ERMP1: variants seen among roughly 807,000 people sequenced by gnomAD.
The protein encoded by ERMP1 is Felix-ina.
ERMP1 carries 86 observed loss-of-function variants against 92.0 expected under a neutral mutation model. The observed-to-expected ratio is 0.93, with a 90% CI of 0.79 to 1.12. The LOEUF (loss-of-function observed/expected upper bound fraction) is 1.12. Among genes scored for constraint, ERMP1 ranks in the 50% most tolerant of loss-of-function variants. ERMP1 has a pLI of 0.00. For missense variants in ERMP1, 1,342 were observed against 1,116.3 expected (o/e 1.20, Z -2.88); for synonymous variants, 530 against 412.8 (o/e 1.28, Z -3.44).
intron 5 of ERMP1, among the ~76,000 whole-genome samples, chr9:5,864,567 A>C (rs1830596444): frequency 5.3e-5 from 8 of 152,324 alleles, no homozygotes. Flanking sequence ...GCCTCAAGTG[A>C]AGGGAACAAA....
At chr9:5,796,555 G>A (rs761342978) in intron 13 of ERMP1, among the ~76,000 whole-genome samples, 1 of 152,042 alleles carries the variant, frequency 6.6e-6, no homozygotes, top group African/African-American at 2.4e-5. Flanking sequence ...AAAAAGAAAT[G>A]GCCTATCAAG....
intron 6 of ERMP1, among the ~76,000 whole-genome samples, chr9:5,845,543 C>T (rs1443103286): frequency 2.0e-5 from 3 of 152,162 alleles, no homozygotes; most frequent in East Asian, 1.9e-4. Flanking sequence ...ATTGATCGAT[C>T]GATAGATTAT....
At chr9:5,791,867 T>G (rs1828211646) in intron 13 of ERMP1, among the ~76,000 whole-genome samples, 1 of 152,104 alleles carries the variant, frequency 6.6e-6, no homozygotes, top group African/African-American at 2.4e-5. Context: ...TCCCTTTAAT[T>G]CTAAAGGAAA....
intron 6 of ERMP1, among the ~76,000 whole-genome samples, chr9:5,842,239 T>C (rs1173204402): frequency 1.3e-5 from 2 of 152,102 alleles, no homozygotes; most frequent in African/African-American, 4.8e-5. Flanking sequence ...TACAGAGTGC[T>C]GATTGGTCCG....
chr9:5,827,179 G>C (rs2129665149), intron 2 of ERMP1, among the ~76,000 whole-genome samples: 1 of 152,124 alleles, frequency 6.6e-6, no homozygotes, highest in East Asian at 1.9e-4. Context: ...ACACAGATGA[G>C]AACTTAAAAA....
chr9:5,793,731 T>C (rs1828299063), intron 13 of ERMP1, among the ~76,000 whole-genome samples: 1 of 152,094 alleles, frequency 6.6e-6, no homozygotes, highest in Non-Finnish European at 1.5e-5. Context: ...AAAGGGTCAG[T>C]TCTCTAAGAA....
intron 5 of ERMP1, among the ~76,000 whole-genome samples, chr9:5,865,762 T>C (rs1285567971): frequency 2.2e-5 from 3 of 136,832 alleles, no homozygotes; most frequent in Non-Finnish European, 4.6e-5. Flanking sequence ...CGCTGGAAAC[T>C]GGGAGGAGGA....
rs1304882771 is a variant in ERMP1 at position 5,784,913 on chromosome 9, T to TA, written c.*2230dup. 6.6e-6 allele frequency: 1 copy of TA among 152,358 alleles called. No individual in the cohort carries two copies. Among genetic ancestry groups the TA allele is most frequent in the African/African-American group, 2.4e-5 (1 of 41,470 alleles). 9.4% of individuals were successfully genotyped at this position (152,358 alleles called of 1,614,324 possible). Reference sequence around the variant, plus strand: ...ATAATGCATTTGTTAGTGACTTTGTTAGAGCTTGAAAAGACCCTTTTAGAA... The same window carrying TA: ...ATAATGCATTTGTTAGTGACTTTGTTAAGAGCTTGAAAAGACCCTTTTAGAA... On this transcript the variant is annotated 3_prime_UTR_variant, in exon 15 of 15. Coordinates refer to ENST00000339450, the MANE Select transcript of ERMP1 (RefSeq NM_024896.3).
chr9:5,831,754 G>A (rs77907906), intron 1 of ERMP1, among the ~76,000 whole-genome samples: 5 of 152,138 alleles, frequency 3.3e-5, no homozygotes, highest in Admixed American at 2.6e-4. Flanking sequence ...TAAATAAGGC[G>A]GGCGGGGGAA....
intron 5 of ERMP1, among the ~76,000 whole-genome samples, chr9:5,864,605 G>A (rs533387599): frequency 1.3e-5 from 2 of 152,192 alleles, no homozygotes; most frequent in African/African-American, 4.8e-5. Flanking sequence ...CTTTCCTCAG[G>A]GGGTGGTAGA....
intron 4 of ERMP1, among the ~76,000 whole-genome samples, chr9:5,823,450 C>T (rs1413325293): frequency 6.6e-6 from 1 of 152,156 alleles, no homozygotes; most frequent in Non-Finnish European, 1.5e-5. Context: ...TAACCACCCA[C>T]AGTGGCTAAA....
chr9:5,806,298 C>A (rs1314048420), intron 8 of ERMP1, among the ~76,000 whole-genome samples: 4 of 152,192 alleles, frequency 2.6e-5, no homozygotes, highest in Non-Finnish European at 5.9e-5. Context: ...TCTTGTACTG[C>A]ACCTTTGCCC....
At chr9:5,819,508 C>A (rs932619092) in intron 4 of ERMP1, among the ~76,000 whole-genome samples, 41 of 152,232 alleles carry the variant, frequency 2.7e-4, no homozygotes, top group Non-Finnish European at 1.5e-5. Context: ...CAATCTCAGA[C>A]TGGTGCCACC....
chr9:5,832,110 T>C (rs1381466272), intron 1 of ERMP1, among the ~76,000 whole-genome samples: 1 of 151,804 alleles, frequency 6.6e-6, no homozygotes, highest in African/African-American at 2.4e-5. Context: ...AAGTCAAACC[T>C]TACACAGTCA....
At chr9:5,809,227 A>G (rs1048079158) in intron 8 of ERMP1, among the ~76,000 whole-genome samples, 32 of 151,678 alleles carry the variant, frequency 2.1e-4, no homozygotes, top group African/African-American at 7.5e-4. Context: ...TCACCGTGTT[A>G]GCCAGGATGG....
chr9:5,806,276 A>G (rs933517550), intron 8 of ERMP1, among the ~76,000 whole-genome samples: 1 of 152,146 alleles, frequency 6.6e-6, no homozygotes, highest in Admixed American at 6.5e-5. Flanking sequence ...AGTTTTTTCT[A>G]TCTCCAGTTG....
chr9:5,823,604 C>G (rs1212668860), intron 4 of ERMP1, among the ~76,000 whole-genome samples: 3 of 152,118 alleles, frequency 2.0e-5, no homozygotes, highest in African/African-American at 7.2e-5. Context: ...AGTTTCATCT[C>G]TAAAATGGAA....
intron 1 of ERMP1, among the ~76,000 whole-genome samples, chr9:5,831,430 A>T (rs1214528655): frequency 1.3e-5 from 2 of 151,960 alleles, no homozygotes; most frequent in Non-Finnish European, 2.9e-5. Context: ...ACATGGTGAA[A>T]CCCCATCTCT....
Position 5,824,085 on chromosome 9 carries a change from C to G in ERMP1, c.769-84G>C, listed in dbSNP as rs908508276. The stretch of plus-strand genomic sequence containing the variant: ...ATTTTGCTTAAACACAGAGAGACTA[C>G]TTTGATGAGGTAAGGAATATGAAAA... On this transcript the variant is annotated intron_variant, in intron 3 of 14. Transcript: ENST00000339450. The G allele has an allele frequency of 8.0e-6, 8 of 999,000 alleles. No individual in the cohort carries two copies. The Admixed American group carries it at 1.7e-4, about 21-fold the overall frequency. The allele number at this position is 999,000 out of a possible 1,614,324, so 61.9% of individuals were successfully genotyped here. A position where few individuals can be genotyped will look rare whatever the true frequency, so the allele number is the denominator to read the frequency against.
Sources: gnomAD v4.1 joint callset for allele counts (sites outside exome capture counted in the v4.1 genomes callset) on GRCh38, gnomAD v4.1.1 for gene constraint, MANE v1.5 for transcripts, NCBI Gene and HGNC (gene_info 2026-07-23, HGNC 2026-07-21) for gene names.